Variants in TM6SF2 observed in about 807,000 individuals in gnomAD.
The protein encoded by TM6SF2 is transmembrane 6 superfamily member 2.
In TM6SF2, 29 loss-of-function variants were observed where a neutral mutation model predicts 41.0. The observed-to-expected ratio is 0.71, with a 90% CI of 0.53 to 0.96. TM6SF2 has a LOEUF of 0.96. Among genes scored for constraint, TM6SF2 ranks in the 50% least tolerant of loss-of-function variants. The pLI, the probability that TM6SF2 is intolerant of heterozygous loss-of-function variation, is 0.00. For missense variants in TM6SF2, 475 were observed against 499.0 expected, an observed-to-expected ratio of 0.95 and a Z score of 0.46; for synonymous variants, 200 against 209.1, an observed-to-expected ratio of 0.96 and a Z score of 0.37.
intron 2 of TM6SF2, among the ~76,000 whole-genome samples, chr19:19,270,803 T>C (rs986759200): frequency 6.6e-6 from 1 of 152,190 alleles, no homozygotes; most frequent in Non-Finnish European, 1.5e-5. Flanking sequence ...ATGCAGGAGA[T>C]GCAGTCCCTG....
chr19:19,265,010 C>T (rs912812891), intron 9 of TM6SF2, 137 bp from the exon 10 acceptor site: 2 of 442,890 alleles, frequency 4.5e-6, no homozygotes, highest in African/African-American at 2.1e-5. Flanking sequence ...GCTCATCTAT[C>T]TGTTTCCCAT....
chr19:19,273,174 C>G lies in TM6SF2; in HGVS notation c.42G>C (p.Ser14=). The G allele has an allele frequency of 6.8e-7, 1 of 1,472,838 alleles. No individual in the cohort carries two copies. The allele number at this position is 1,472,838 out of a possible 1,614,324, so 91.2% of individuals were successfully genotyped here. A position where few individuals can be genotyped will look rare whatever the true frequency, so the allele number is the denominator to read the frequency against. The part of the protein sequence containing the change: ...PPLAGKIAAL[S]LSALPVSYAL... ...CGTAGGACACCGGGAGGGCGCTCAG[C>G]GACAGCGCCGCGATCTTGCCGGCCA... Residue 14 remains serine (S), a synonymous_variant, in exon 1 of 10, where the codon TCG becomes TCC. Transcript: ENST00000389363.
At position 19,268,064 on chromosome 19, in the gene TM6SF2, T is replaced by C. The variant is rs769099177; in HGVS notation, c.633A>G (p.Gly211=). ...CCAGGTCAGCCGGACGCTGCAGGAGTCCCTTTCTTTGTTCCTCTTGCACCT... is the reference window on the plus strand; with the variant it reads ...CCAGGTCAGCCGGACGCTGCAGGAGCCCCTTTCTTTGTTCCTCTTGCACCT... ...ANMVQEEQRK[G]LLQRPADLAL... Residue 211 remains glycine (G), a synonymous_variant, in exon 7 of 10, where the codon GGA becomes GGG. Transcript: ENST00000389363. 6 of 1,613,234 alleles carry C rather than the reference T, an allele frequency of 3.7e-6. No individual in the cohort carries two copies. The Admixed American group carries it at 5.0e-5, about 13-fold the overall frequency.
In TM6SF2 at chr19:19,268,647, G is replaced by C. The variant is rs771340141; in HGVS notation, c.592C>G (p.Arg198Gly). 2.5e-6 allele frequency: 4 copies of C among 1,586,826 alleles called. No homozygotes were observed. The South Asian group carries it at 4.6e-5, about 18-fold the overall frequency. ...GCACTCACCATGTTGGCGGTGCAGC[G>C]GGTTAGCGCCCGGGGCTGGCTGAAG... is the stretch of plus-strand genomic sequence containing the variant. ...KVFSQPRALT[R>G]CTANMVQEEQ... The change falls in exon 6 of 10, where the codon CGC (arginine) becomes GGC (glycine). Residue 198 changes from arginine to glycine, a missense_variant. Transcript: ENST00000389363.
intron 5 of TM6SF2, among the ~76,000 whole-genome samples, chr19:19,269,468 T>C (rs546529123): frequency 6.6e-6 from 1 of 152,206 alleles, no homozygotes; most frequent in African/African-American, 2.4e-5. Flanking sequence ...CTGGGAACCA[T>C]TGCCTGGGGA....
chr19:19,268,831 C>G, intron 5 of TM6SF2, 77 bp from the exon 6 acceptor site: 1 of 1,482,424 alleles, frequency 6.7e-7, no homozygotes, highest in Non-Finnish European at 8.9e-7. Context: ...TGTTCTGAGA[C>G]AGAGTCTTGC....
In TM6SF2 at chr19:19,265,393, T is replaced by G. The variant is rs148883382; in HGVS notation, c.925-520A>C. On this transcript the variant is annotated intron_variant, in intron 9 of 9. Transcript: ENST00000389363. ...ATCTATCTATCTATCTATCTATCTA[T>G]CTATCTATCTATCCATCCATCCATC... Among the ~76,000 whole-genome samples, 1,081 of 133,008 alleles carry G rather than the reference T, an allele frequency of 8.1e-3. 10 individuals are homozygous for G. Among genetic ancestry groups the G allele is most frequent in the Non-Finnish European group, 9.6e-3 (599 of 62,164 alleles). The allele number at this position is 133,008 out of a possible 152,430, so 87.3% of individuals were successfully genotyped here. A position where few individuals can be genotyped will look rare whatever the true frequency, so the allele number is the denominator to read the frequency against.
At position 19,270,255 on chromosome 19, in the gene TM6SF2, C is replaced by T. The variant is rs2061018450; in HGVS notation, c.319G>A (p.Ala107Thr). 1 of 1,614,226 alleles carries T rather than the reference C, an allele frequency of 6.2e-7. No individual in the cohort carries two copies. The highest frequency in any genetic ancestry group is 8.5e-7 in the Non-Finnish European group (1 of 1,180,048). ...CAGTAGCAGATGAAGACTCCGTGCG[C>T]TGTGCGCAGGTATGGCTCTCCCTGT... The part of the protein sequence containing the change: ...TKEGEPYLRT[A>T]HGVFICYWDG... Residue 107 changes from alanine (A) to threonine (T), a missense_variant, in exon 4 of 10, where the codon GCG (alanine) becomes ACG (threonine). By Grantham distance (58) the Ala-to-Thr change is moderately conservative. Transcript: ENST00000389363.
At chr19:19,271,176 C>T (rs770652877) in intron 1 of TM6SF2, 51 bp from the exon 2 acceptor site, 7 of 1,436,254 alleles carry the variant, frequency 4.9e-6, no homozygotes, top group Non-Finnish European at 6.9e-6. Context: ...GCTGAGGCAT[C>T]GCCCCACTCT....
In TM6SF2 at chr19:19,266,403, A is replaced by G. The variant is rs2061003034; in HGVS notation, c.924+87T>C. The stretch of plus-strand genomic sequence containing the variant: ...GGGCCTCTTGGGGGCTCATCATTAC[A>G]GTGCCCAGGGAGGACACCAAAGGCA... On this transcript the variant is annotated intron_variant, in intron 9 of 9. Coordinates refer to ENST00000389363, the MANE Select transcript of TM6SF2 (RefSeq NM_001001524.3). 3 of 1,554,530 alleles carry G rather than the reference A, an allele frequency of 1.9e-6. No homozygotes were observed. In the African/African-American group the frequency reaches 4.1e-5, roughly 21 times the overall value.
chr19:19,272,728 T>TGTGTGTGTGA (rs1555786937), intron 1 of TM6SF2, among the ~76,000 whole-genome samples: 2,526 of 149,808 alleles, frequency 0.017, 29 homozygotes, highest in South Asian at 0.023. Context: ...TGTGTGTGTG[T>TGTGTGTGTGA]GAGCAGGAGT....
chr19:19,271,905 G>A (rs1220012165), intron 1 of TM6SF2, among the ~76,000 whole-genome samples: 1 of 152,196 alleles, frequency 6.6e-6, no homozygotes, highest in East Asian at 1.9e-4. Flanking sequence ...ATTCGACAAC[G>A]TCAAGCCCCT....
At chr19:19,270,895 T>C (rs749897108) in intron 2 of TM6SF2, 127 bp downstream of exon 2, 6 of 774,062 alleles carry the variant, frequency 7.8e-6, no homozygotes, top group Non-Finnish European at 1.4e-5. Flanking sequence ...CTTTGAGGTC[T>C]CCAGTCTGAT....
chr19:19,268,548 A>C, intron 6 of TM6SF2, 82 bp downstream of exon 6: 1 of 1,486,862 alleles, frequency 6.7e-7, no homozygotes, highest in South Asian at 1.4e-5. Flanking sequence ...TTCCACAGAA[A>C]TTAAGTCTTT....
chr19:19,269,787 G>C lies in TM6SF2; in HGVS notation c.402-18C>G. On this transcript the variant is annotated intron_variant, in intron 4 of 9. Coordinates refer to ENST00000389363, the MANE Select transcript of TM6SF2 (RefSeq NM_001001524.3). ...ATCTCTTCCTGAGCAGGGGATGGAG[G>C]GGTGACCAGCAGGTAGTCACTCCGT... The C allele has an allele frequency of 1.2e-6, 2 of 1,613,762 alleles. No individual in the cohort carries two copies. Among genetic ancestry groups the C allele is most frequent in the East Asian group, 4.5e-5 (2 of 44,878 alleles).
chr19:19,273,050 A>ACCACC, intron 1 of TM6SF2, 71 bp downstream of exon 1: 3 of 899,688 alleles, frequency 3.3e-6, no homozygotes, highest in East Asian at 3.9e-5. Flanking sequence ...CCTCCAGCCC[A>ACCACC]CCTCCAGTCC....
chr19:19,266,021 A>G (rs987605510), intron 9 of TM6SF2, among the ~76,000 whole-genome samples: 2 of 152,002 alleles, frequency 1.3e-5, no homozygotes, highest in Non-Finnish European at 2.9e-5. Context: ...TCACTGCTCA[A>G]ACTCCTCCTC....
In TM6SF2 at chr19:19,273,207, G is replaced by T; in HGVS notation, c.9C>A (p.Ile3=). The T allele has an allele frequency of 6.9e-7, 1 of 1,441,436 alleles. No homozygotes were observed. 89.3% of individuals were successfully genotyped at this position (1,441,436 alleles called of 1,614,324 possible). ...CCGCGATCTTGCCGGCCAGCGGCGG[G>T]ATGTCCATAGCGGCGGCTGCTGGAC... The part of the protein sequence containing the change: MD[I]PPLAGKIAAL... The change falls in exon 1 of 10, where the codon ATC becomes ATA. Residue 3 remains isoleucine (I), a synonymous_variant. Transcript: ENST00000389363.
At chr19:19,268,831 CAG>C (rs535018065) in intron 5 of TM6SF2, 77 bp from the exon 6 acceptor site, 189 of 1,482,306 alleles carry the variant, frequency 1.3e-4, no homozygotes, top group East Asian at 3.0e-4. Flanking sequence ...TGTTCTGAGA[CAG>C]AGTCTTGCTC....
Sources: allele counts gnomAD v4.1 joint callset (sites outside exome capture counted in the v4.1 genomes callset), GRCh38; gene constraint gnomAD v4.1.1; transcripts MANE v1.5; gene names NCBI Gene and HGNC (gene_info 2026-07-23, HGNC 2026-07-21).